Variants in PEX14 observed in about 807,000 individuals in gnomAD.
The protein encoded by PEX14 is peroxisomal membrane protein PEX14.
PEX14 carries 15 observed loss-of-function variants against 49.5 expected under a neutral mutation model. That is an observed-to-expected ratio of 0.30 (90% CI 0.20 to 0.47). The LOEUF is 0.47. Among genes scored for constraint, PEX14 ranks in the 20% least tolerant of loss-of-function variants. The pLI, the probability that PEX14 is intolerant of heterozygous loss-of-function variation, is 1.00. For synonymous variants in PEX14, 210 were observed against 212.7 expected (o/e 0.99, Z 0.11); for missense variants, 398 against 494.8 (o/e 0.80, Z 1.86).
intron 3 of PEX14, among the ~76,000 whole-genome samples, chr1:10,571,477 T>G (rs1639975970): frequency 6.6e-6 from 1 of 151,996 alleles, no homozygotes; most frequent in Non-Finnish European, 1.5e-5. Context: ...GTTGGAACAG[T>G]GTGAATGTAC....
At position 10,512,090 on chromosome 1, in the gene PEX14, A is replaced by T. The variant is rs534567609; in HGVS notation, c.84+16769A>T. ...TTCTCCTGCCTCAGCTTCCCGAATAACTGGGACTACAGGCGCCTGCCCCCA... is the reference window on the plus strand; with the variant it reads ...TTCTCCTGCCTCAGCTTCCCGAATATCTGGGACTACAGGCGCCTGCCCCCA... On this transcript the variant is annotated intron_variant, in intron 2 of 8. Coordinates refer to ENST00000356607, the MANE Select transcript of PEX14 (RefSeq NM_004565.3). This position sits in a 1 kb window ranked among gnomAD's most constrained non-coding sequence, Gnocchi z 4.6. Among the ~76,000 whole-genome samples the T allele has an allele frequency of 6.6e-6, 1 of 151,978 alleles. No individual in the cohort carries two copies. The highest frequency in any genetic ancestry group is 1.5e-5 in the Non-Finnish European group (1 of 67,978).
chr1:10,577,410 C>CAAA (rs70997256), intron 3 of PEX14, among the ~76,000 whole-genome samples: 31,435 of 98,972 alleles, frequency 0.32, 7,147 homozygotes, highest in Admixed American at 0.38. Flanking sequence ...AAAAAAAAAC[C>CAAA]AAAAAAAAAA....
At chr1:10,502,525 T>A (rs1641699473) in intron 2 of PEX14, among the ~76,000 whole-genome samples, 1 of 152,224 alleles carries the variant, frequency 6.6e-6, no homozygotes, top group Non-Finnish European at 1.5e-5. Flanking sequence ...TAAGGTGCCC[T>A]TTTACAAATA....
At chr1:10,562,370 G>T (rs1185165290) in intron 3 of PEX14, among the ~76,000 whole-genome samples, 7 of 152,180 alleles carry the variant, frequency 4.6e-5, no homozygotes, top group African/African-American at 1.7e-4. Flanking sequence ...AAAAGAAAAA[G>T]ATTTTTTTCT....
At chr1:10,573,742 C>T (rs995357891) in intron 3 of PEX14, among the ~76,000 whole-genome samples, 2 of 151,952 alleles carry the variant, frequency 1.3e-5, no homozygotes, top group Non-Finnish European at 2.9e-5. Flanking sequence ...AGACATAAAC[C>T]CAAGAGAAAT....
chr1:10,563,740 G>A (rs879546647), intron 3 of PEX14, among the ~76,000 whole-genome samples: 10 of 152,068 alleles, frequency 6.6e-5, no homozygotes, highest in Middle Eastern at 3.4e-3. Flanking sequence ...GTGAAACCCC[G>A]TCTCTACTAA....
intron 2 of PEX14, among the ~76,000 whole-genome samples, chr1:10,521,274 A>T (rs1310622705): frequency 2.7e-5 from 4 of 148,120 alleles, no homozygotes; most frequent in Non-Finnish European, 6.0e-5. Flanking sequence ...TCTTCTTTCT[A>T]TCTCCTCCCA....
chr1:10,517,024 C>G (rs1375869481), intron 2 of PEX14: 1 of 152,240 alleles, frequency 6.6e-6, no homozygotes, highest in Non-Finnish European at 1.5e-5. Context: ...CTTTTCTTTT[C>G]CAGTTTTCAG....
intron 5 of PEX14, among the ~76,000 whole-genome samples, chr1:10,620,836 C>T (rs1330269596): frequency 6.6e-6 from 1 of 152,224 alleles, no homozygotes; most frequent in Non-Finnish European, 1.5e-5. Context: ...AACAAAAACA[C>T]CTCTTGGGAC....
chr1:10,567,775 G>A (rs1557849172), intron 3 of PEX14, among the ~76,000 whole-genome samples: 1 of 152,118 alleles, frequency 6.6e-6, no homozygotes, highest in South Asian at 2.1e-4. Flanking sequence ...CATTACAGGT[G>A]TGAGCCACTG....
At position 10,623,298 on chromosome 1, in the gene PEX14, T is replaced by A. The variant is rs952581997; in HGVS notation, c.487+177T>A. The A allele has an allele frequency of 9.5e-6, 6 of 630,818 alleles. No homozygotes were observed. The highest frequency in any genetic ancestry group is 6.7e-5 in the Admixed American group (3 of 44,786). 39.1% of individuals were successfully genotyped at this position (630,818 alleles called of 1,614,324 possible). On this transcript the variant is annotated intron_variant, in intron 6 of 8. Transcript: ENST00000356607. The surrounding 1 kb of genome is among the most constrained non-coding windows in gnomAD (Gnocchi z 4.4). Reference sequence around the variant, plus strand: ...TCATTTCGGTTTAATTTGAAATTGCTTGTTTACTGTCGGCGCGGCCTCAAT... The same window carrying A: ...TCATTTCGGTTTAATTTGAAATTGCATGTTTACTGTCGGCGCGGCCTCAAT...
chr1:10,601,469 T>G (rs147976952), intron 4 of PEX14, among the ~76,000 whole-genome samples: 2 of 152,326 alleles, frequency 1.3e-5, no homozygotes, highest in African/African-American at 4.8e-5. Context: ...CCGGACTTGC[T>G]GAAGGGCCAG....
In PEX14 at chr1:10,538,841, G is replaced by A. The variant is rs188409178; in HGVS notation, c.169+2544G>A. Among the ~76,000 whole-genome samples the A allele has an allele frequency of 7.3e-3, 1,113 of 152,320 alleles. 9 individuals carry two copies. The highest frequency in any genetic ancestry group is 0.019 in the South Asian group (90 of 4,824). On this transcript the variant is annotated intron_variant, in intron 3 of 8. Transcript: ENST00000356607. ...TCCCTGCAGAAGCCTTGCAGTGCTG[G>A]GCTTGGAGCATGGGCTCTGGGAGGG...
At chr1:10,595,342 C>T (rs927334909) in intron 3 of PEX14, among the ~76,000 whole-genome samples, 2 of 152,214 alleles carry the variant, frequency 1.3e-5, no homozygotes, top group African/African-American at 4.8e-5. Flanking sequence ...GCTCCCTCGT[C>T]CCTTTCTCCT....
chr1:10,506,038 C>A (rs2506878), intron 2 of PEX14, among the ~76,000 whole-genome samples: 103,828 of 151,168 alleles, frequency 0.69, 37,906 homozygotes, highest in Non-Finnish European at 0.81. Context: ...ATTTTTAAAA[C>A]TGTGTCAAGA....
chr1:10,479,324 C>T (rs546008994), intron 1 of PEX14, among the ~76,000 whole-genome samples: 1 of 151,984 alleles, frequency 6.6e-6, no homozygotes, highest in Non-Finnish European at 1.5e-5. Context: ...CTGCAGTGAG[C>T]GGTGATTGTG....
chr1:10,490,211 A>G (rs1417983131), intron 1 of PEX14, among the ~76,000 whole-genome samples: 1 of 152,142 alleles, frequency 6.6e-6, no homozygotes, highest in Admixed American at 6.6e-5. Flanking sequence ...CTGCATCTCA[A>G]AGGATATTGG....
At chr1:10,530,936 C>T (rs956160757) in intron 2 of PEX14, among the ~76,000 whole-genome samples, 8 of 152,182 alleles carry the variant, frequency 5.3e-5, no homozygotes, top group Admixed American at 2.0e-4. Context: ...TTCTTCTACT[C>T]TGGTTTAGGA....
At chr1:10,571,452 T>C (rs1450314014) in intron 3 of PEX14, among the ~76,000 whole-genome samples, 2 of 151,982 alleles carry the variant, frequency 1.3e-5, no homozygotes, top group Admixed American at 1.3e-4. Flanking sequence ...GTTCTAGAGA[T>C]GGATGGTGGT....
Sources: allele counts gnomAD v4.1 joint callset (sites outside exome capture counted in the v4.1 genomes callset), GRCh38; gene constraint gnomAD v4.1.1; non-coding constraint Gnocchi (gnomAD v3.1); transcripts MANE v1.5; gene names NCBI Gene and HGNC (gene_info 2026-07-23, HGNC 2026-07-21).